Variants in RHEBL1 observed in about 807,000 individuals in gnomAD.
RHEBL1 encodes the protein GTPase RhebL1.
Under a neutral mutation model 27.4 loss-of-function variants are expected in RHEBL1, and 22 were observed. The ratio of observed to expected loss-of-function variants is 0.80; its 90% CI spans 0.57 to 1.15. The LOEUF (loss-of-function observed/expected upper bound fraction) is 1.15, where lower values mean the gene tolerates loss of function less well. Among genes scored for constraint, RHEBL1 ranks in the 50% most tolerant of loss-of-function variants. The pLI, the probability that RHEBL1 is intolerant of heterozygous loss-of-function variation, is 0.00. For missense variants in RHEBL1, 186 were observed against 226.5 expected (o/e 0.82, Z 1.15); for synonymous variants, 85 against 80.8 (o/e 1.05, Z -0.28).
intron 3 of RHEBL1, 55 bp from the exon 4 acceptor site, chr12:49,066,756 G>T: frequency 6.6e-7 from 1 of 1,523,656 alleles, no homozygotes; most frequent in East Asian, 2.2e-5. Context: ...AGATGGCAAA[G>T]GTTGGTGGGA....
At chr12:49,067,371 C>G (rs1939014769) in intron 2 of RHEBL1, among the ~76,000 whole-genome samples, 1 of 151,978 alleles carries the variant, frequency 6.6e-6, no homozygotes, top group Non-Finnish European at 1.5e-5. Context: ...CCTGGAACTC[C>G]TGGGCTCAAG....
At chr12:49,066,882 T>C (rs1016009769) in intron 3 of RHEBL1, 86 bp downstream of exon 3, 1 of 1,197,746 alleles carries the variant, frequency 8.3e-7, no homozygotes, top group African/African-American at 1.5e-5. Context: ...CTTTTAATAC[T>C]ACTTTACGGA....
intron 2 of RHEBL1, among the ~76,000 whole-genome samples, chr12:49,068,581 G>A (rs934174894): frequency 1.3e-5 from 2 of 151,398 alleles, no homozygotes; most frequent in African/African-American, 2.4e-5. Flanking sequence ...GATTACAGGC[G>A]TGCGCCACCA....
rs529017203 is a variant in RHEBL1 at position 49,066,304 on chromosome 12, G to A, written c.333-26C>T. On this transcript the variant is annotated intron_variant, in intron 5 of 7. Transcript: ENST00000301068. ...CTGTGAGGAAACAGCAGTTACTTCA[G>A]AATCCCCTCATTCCCCGCATTCCCC... 2.5e-6 allele frequency: 4 copies of A among 1,611,022 alleles called. No homozygotes were observed. In the Admixed American group the frequency reaches 6.7e-5, roughly 27 times the overall value.
In RHEBL1 at chr12:49,065,187, A is replaced by C. The variant is rs572289528; in HGVS notation, c.468T>G (p.Thr156=). The change falls in exon 8 of 8, where the codon ACT becomes ACG. Residue 156 remains threonine, a synonymous_variant. Coordinates refer to ENST00000301068, the MANE Select transcript of RHEBL1 (RefSeq NM_144593.3). ...MESSARENQL[T]QGIFTKVIQE... ...GGATGACTTTGGTGAAGATGCCTTGAGTCAGCTATAAGAGGAGAGGATTCA... is the reference window on the plus strand; with the variant it reads ...GGATGACTTTGGTGAAGATGCCTTGCGTCAGCTATAAGAGGAGAGGATTCA... The C allele has an allele frequency of 1.2e-6, 2 of 1,613,446 alleles. No homozygotes were observed. Among genetic ancestry groups the C allele is most frequent in the African/African-American group, 2.7e-5 (2 of 75,048 alleles).
intron 1 of RHEBL1, 66 bp from the exon 2 acceptor site, chr12:49,069,172 G>A: frequency 1.2e-6 from 2 of 1,612,444 alleles, no homozygotes; most frequent in Non-Finnish European, 1.7e-6. Flanking sequence ...CTGTCCTTTC[G>A]GACTGTGGCC....
At chr12:49,066,354 A>C (rs1350558745) in intron 5 of RHEBL1, 76 bp from the exon 6 acceptor site, 1 of 1,556,406 alleles carries the variant, frequency 6.4e-7, no homozygotes, top group Non-Finnish European at 8.9e-7. Context: ...AGGCTGGACG[A>C]CTCCTTATCA....
chr12:49,066,194 C>G (rs1245924903), intron 6 of RHEBL1, 37 bp downstream of exon 6: 1 of 1,573,244 alleles, frequency 6.4e-7, no homozygotes, highest in Non-Finnish European at 8.7e-7. Flanking sequence ...CAGTCCATTT[C>G]ACTTCCTTTT....
In RHEBL1 at chr12:49,069,026, T is replaced by A; in HGVS notation, c.124+9A>T. 6.2e-7 allele frequency: 1 copy of A among 1,611,416 alleles called. No individual in the cohort carries two copies. Among genetic ancestry groups the A allele is most frequent in the Non-Finnish European group, 8.5e-7 (1 of 1,178,482 alleles). Reference sequence around the variant, plus strand: ...TACCACCAGCACACTAGGGGAGAAGTCTACTCACTATTCTCCACTGTAGGA... The same window carrying A: ...TACCACCAGCACACTAGGGGAGAAGACTACTCACTATTCTCCACTGTAGGA... On this transcript the variant is annotated intron_variant, in intron 2 of 7. Coordinates refer to ENST00000301068, the MANE Select transcript of RHEBL1 (RefSeq NM_144593.3).
Position 49,064,983 on chromosome 12 carries a change from T to G in RHEBL1, c.*120A>C, listed in dbSNP as rs557048425. ...GCAAACATGAGGATGCCACACTGTG[T>G]GTCCAGGGGCCAGGAACACAGCTGG... On this transcript the variant is annotated 3_prime_UTR_variant, in exon 8 of 8. Transcript: ENST00000301068. 3 of 719,224 alleles carry G rather than the reference T, an allele frequency of 4.2e-6. No homozygotes were observed. In the East Asian group the frequency reaches 7.7e-5, roughly 18 times the overall value. 44.6% of individuals were successfully genotyped at this position (719,224 alleles called of 1,614,324 possible). A position where few individuals can be genotyped will look rare whatever the true frequency, so the allele number is the denominator to read the frequency against.
rs1938999048 is a variant in RHEBL1 at position 49,066,467 on chromosome 12, G to A, written c.332+9C>T. 2 of 1,613,590 alleles carry A rather than the reference G, an allele frequency of 1.2e-6. No individual in the cohort carries two copies. The highest frequency in any genetic ancestry group is 1.7e-6 in the Non-Finnish European group (2 of 1,179,596). On this transcript the variant is annotated intron_variant, in intron 5 of 7. Coordinates refer to ENST00000301068, the MANE Select transcript of RHEBL1 (RefSeq NM_144593.3). ...CCACACTATGTCCCTATCCCCCAGG[G>A]CCACTTACCGGGTTTTCCCATGGCC...
intron 1 of RHEBL1, 147 bp downstream of exon 1, chr12:49,069,587 C>A: frequency 4.1e-6 from 1 of 243,804 alleles, no homozygotes; most frequent in Non-Finnish European, 7.3e-6. Flanking sequence ...ATCCTCCACT[C>A]TTCCATTCCT....
chr12:49,066,413 C>T, intron 5 of RHEBL1, 63 bp downstream of exon 5: 1 of 1,572,884 alleles, frequency 6.4e-7, no homozygotes, highest in South Asian at 1.1e-5. Context: ...TGACAATTCT[C>T]CCCTCTGCTC....
At chr12:49,068,039 C>T (rs1246169834) in intron 2 of RHEBL1, among the ~76,000 whole-genome samples, 1 of 152,008 alleles carries the variant, frequency 6.6e-6, no homozygotes, top group African/African-American at 2.4e-5. Flanking sequence ...AGTCTTATTT[C>T]TTCTATCAAA....
At chr12:49,069,196 G>C (rs375053250) in intron 1 of RHEBL1, 90 bp from the exon 2 acceptor site, 1 of 1,604,822 alleles carries the variant, frequency 6.2e-7, no homozygotes, top group East Asian at 2.2e-5. Context: ...GACCAAAGGA[G>C]ACCCCAAATT....
At chr12:49,067,926 T>G (rs904674944) in intron 2 of RHEBL1, among the ~76,000 whole-genome samples, 6 of 152,166 alleles carry the variant, frequency 3.9e-5, no homozygotes, top group African/African-American at 1.4e-4. Context: ...ACCTTAAATA[T>G]TTGGCTTTTC....
At chr12:49,066,889 C>A in intron 3 of RHEBL1, 79 bp downstream of exon 3, 1 of 1,247,934 alleles carries the variant, frequency 8.0e-7, no homozygotes, top group Non-Finnish European at 1.2e-6. Flanking sequence ...TACTACTTTA[C>A]GGATGAGCCA....
rs978864071 is a variant in RHEBL1 at position 49,066,672 on chromosome 12, G to A, written c.222C>T (p.Phe74=). ...GCACATAACCATGGACCCCAATGAT[G>A]AATGAATAGGGCAGAATGCTGTACT... ...QDEYSILPYS[F]IIGVHGYVLV... is the part of the protein sequence containing the mutation. Residue 74 remains phenylalanine (F), a synonymous_variant, in exon 4 of 8, where the codon TTC becomes TTT. Coordinates refer to ENST00000301068, the MANE Select transcript of RHEBL1 (RefSeq NM_144593.3). 6.2e-7 allele frequency: 1 copy of A among 1,614,100 alleles called. No homozygotes were observed. Among genetic ancestry groups the A allele is most frequent in the Middle Eastern group, 1.6e-4 (1 of 6,062 alleles).
At position 49,065,343 on chromosome 12, in the gene RHEBL1, C is replaced by CCAG. The variant is rs750426852; in HGVS notation, c.462+4_462+6dup. The CCAG allele has an allele frequency of 6.2e-7, 1 of 1,613,214 alleles. No homozygotes were observed. Among genetic ancestry groups the CCAG allele is most frequent in the East Asian group, 2.2e-5 (1 of 44,868 alleles). The stretch of plus-strand genomic sequence containing the variant: ...ATCACCACCCTTCTAGTCTTCAGGC[C>CCAG]CAGCACCTGATTCTCTCGAGCAGAT... On this transcript the variant is annotated splice_region_variant and intron_variant, in intron 7 of 7. Transcript: ENST00000301068.
Sources: allele counts gnomAD v4.1 joint callset (sites outside exome capture counted in the v4.1 genomes callset), GRCh38; gene constraint gnomAD v4.1.1; transcripts MANE v1.5; gene names NCBI Gene and HGNC (gene_info 2026-07-23, HGNC 2026-07-21).